Variants in VPS41 observed in about 807,000 individuals in gnomAD.
The protein encoded by VPS41 is VPS41 subunit of HOPS complex, also known as vacuolar protein sorting-associated protein 41 homolog.
Under a neutral mutation model 130.9 loss-of-function variants are expected in VPS41, and 85 were observed. The ratio of observed to expected loss-of-function variants is 0.65; its 90% CI spans 0.55 to 0.78. VPS41 has a LOEUF of 0.78. VPS41 is among the 30% of genes least tolerant of loss of function. The pLI is 0.00. For synonymous variants in VPS41, 335 were observed against 332.9 expected (o/e 1.01, Z -0.07); for missense variants, 874 against 1,018.7 (o/e 0.86, Z 1.93).
At chr7:38,777,777 A>G (rs1017036560) in intron 10 of VPS41, among the ~76,000 whole-genome samples, 1 of 152,268 alleles carries the variant, frequency 6.6e-6, no homozygotes, top group Non-Finnish European at 1.5e-5. Flanking sequence ...GGGGACCTCA[A>G]TGTATCATAC....
At position 38,906,527 on chromosome 7, in the gene VPS41, T is replaced by C. The variant is rs114912869; in HGVS notation, c.21+2627A>G. On this transcript the variant is annotated intron_variant, in intron 1 of 28. Coordinates refer to ENST00000310301, the MANE Select transcript of VPS41 (RefSeq NM_014396.4). ...CTAATTTTTGTAATTTTTGTAGAGA[T>C]AGGGTTTTGCTATGTTGCCCAGGCT... Among the ~76,000 whole-genome samples the C allele has an allele frequency of 2.9e-3, 440 of 152,086 alleles. 3 individuals carry two copies. The highest frequency in any genetic ancestry group is 0.01 in the African/African-American group (420 of 41,484).
At chr7:38,809,911 G>T (rs1350150978) in intron 7 of VPS41, among the ~76,000 whole-genome samples, 1 of 151,244 alleles carries the variant, frequency 6.6e-6, no homozygotes, top group Non-Finnish European at 1.5e-5. Flanking sequence ...GACAGGGAAA[G>T]CTGGACAATT....
At chr7:38,743,582 TATTTTAATA>T (rs1408135047) in intron 23 of VPS41, 40 bp from the exon 24 acceptor site, 2 of 1,592,568 alleles carry the variant, frequency 1.3e-6, no homozygotes, top group African/African-American at 2.7e-5. Context: ...TCATTTAAGG[TATTTTAATA>T]ATTTTTTTAA....
chr7:38,905,789 TTTG>T (rs911936766), intron 1 of VPS41, among the ~76,000 whole-genome samples: 1 of 152,170 alleles, frequency 6.6e-6, no homozygotes, highest in African/African-American at 2.4e-5. Flanking sequence ...TGGGGGTTTT[TTTG>T]TTGTTGTTGT....
At chr7:38,869,947 T>C (rs920951565) in intron 2 of VPS41, among the ~76,000 whole-genome samples, 2 of 152,106 alleles carry the variant, frequency 1.3e-5, no homozygotes, top group African/African-American at 4.8e-5. Context: ...ACAACATCTA[T>C]CCAAGGCATC....
chr7:38,765,404 A>ATG (rs906453511), intron 16 of VPS41, among the ~76,000 whole-genome samples, 176 bp downstream of exon 16: 4 of 19,258 alleles, frequency 2.1e-4, no homozygotes, highest in African/African-American at 1.9e-3. Flanking sequence ...AATCTTATAT[A>ATG]TTTTTTTTTA....
At chr7:38,907,396 C>A (rs913191659) in intron 1 of VPS41, among the ~76,000 whole-genome samples, 1 of 152,126 alleles carries the variant, frequency 6.6e-6, no homozygotes, top group African/African-American at 2.4e-5. Context: ...TGGCTAAGGG[C>A]AGCTGGGTCA....
At chr7:38,782,497 T>C (rs1286754102) in intron 10 of VPS41, among the ~76,000 whole-genome samples, 3 of 152,240 alleles carry the variant, frequency 2.0e-5, no homozygotes, top group Non-Finnish European at 2.9e-5. Context: ...GGGTTTTTGG[T>C]TTTGTGACCT....
At chr7:38,885,401 T>C (rs1473335122) in intron 2 of VPS41, among the ~76,000 whole-genome samples, 2 of 152,190 alleles carry the variant, frequency 1.3e-5, no homozygotes, top group African/African-American at 2.4e-5. Flanking sequence ...ATGTATTCCA[T>C]AGCACATTGT....
intron 24 of VPS41, 139 bp downstream of exon 24, chr7:38,743,263 A>G: frequency 1.1e-6 from 1 of 904,180 alleles, no homozygotes; most frequent in Non-Finnish European, 1.7e-6. Context: ...AAATCATTAC[A>G]ACACACCTGG....
chr7:38,898,881 T>C (rs780567573), intron 1 of VPS41, among the ~76,000 whole-genome samples: 1 of 152,142 alleles, frequency 6.6e-6, no homozygotes, highest in African/African-American at 2.4e-5. Flanking sequence ...TCAATAGCAA[T>C]AAAAGGTTAC....
chr7:38,774,665 C>A (rs1193630805), intron 11 of VPS41, among the ~76,000 whole-genome samples: 1 of 152,060 alleles, frequency 6.6e-6, no homozygotes, highest in Non-Finnish European at 1.5e-5. Context: ...AAGAAAATCA[C>A]TTCACTAGAC....
intron 2 of VPS41, among the ~76,000 whole-genome samples, chr7:38,880,482 G>A (rs1562621444): frequency 6.6e-6 from 1 of 152,068 alleles, no homozygotes; most frequent in African/African-American, 2.4e-5. Flanking sequence ...ACTAAAAGTA[G>A]CCCATGACAG....
At chr7:38,758,768 G>A (rs7786035) in intron 17 of VPS41, among the ~76,000 whole-genome samples, 43,437 of 151,996 alleles carry the variant, frequency 0.29, 6,997 homozygotes, top group Non-Finnish European at 0.37. Flanking sequence ...TCCAAGGAGG[G>A]GAGAGGGGCT....
intron 23 of VPS41, among the ~76,000 whole-genome samples, chr7:38,743,784 C>T (rs542718442): frequency 4.6e-5 from 7 of 152,070 alleles, no homozygotes; most frequent in Non-Finnish European, 1.0e-4. Context: ...ATATAACCAT[C>T]ACTACAACCC....
intron 1 of VPS41, among the ~76,000 whole-genome samples, chr7:38,903,425 A>G (rs1478358590): frequency 6.6e-6 from 1 of 152,186 alleles, no homozygotes; most frequent in Non-Finnish European, 1.5e-5. Flanking sequence ...TTGGGGAAGA[A>G]AAACAGAATT....
chr7:38,835,953 G>GTTT (rs1011049196), intron 4 of VPS41, among the ~76,000 whole-genome samples: 1 of 151,808 alleles, frequency 6.6e-6, no homozygotes, highest in African/African-American at 2.4e-5. Context: ...CTAAATTCTA[G>GTTT]TTTTTATCAC....
intron 25 of VPS41, among the ~76,000 whole-genome samples, chr7:38,738,124 T>C (rs751409432): frequency 6.6e-6 from 1 of 152,212 alleles, no homozygotes; most frequent in African/African-American, 2.4e-5. Flanking sequence ...AGATTTCCAC[T>C]GCACCATGAC....
At chr7:38,778,674 A>G (rs1368385941) in intron 10 of VPS41, among the ~76,000 whole-genome samples, 3 of 152,204 alleles carry the variant, frequency 2.0e-5, no homozygotes, top group Admixed American at 2.0e-4. Flanking sequence ...AAGAGCAGAG[A>G]ATCAGAGATT....
Sources: allele counts gnomAD v4.1 joint callset (sites outside exome capture counted in the v4.1 genomes callset), GRCh38; gene constraint gnomAD v4.1.1; transcripts MANE v1.5; gene names NCBI Gene and HGNC (gene_info 2026-07-23, HGNC 2026-07-21).